The following ARIH2 variants were observed in gnomAD, a reference collection of about 807,000 sequenced individuals.
The protein encoded by ARIH2 is ariadne RBR E3 ubiquitin protein ligase 2, also known as E3 ubiquitin-protein ligase ARIH2.
Under a neutral mutation model 79.8 loss-of-function variants are expected in ARIH2, and 12 were observed. The ratio of observed to expected loss-of-function variants is 0.15; its 90% CI spans 0.10 to 0.24. The LOEUF is 0.24. Among genes scored for constraint, ARIH2 ranks in the 10% least tolerant of loss-of-function variants. ARIH2 has a pLI of 1.00. For missense variants in ARIH2, 301 were observed against 618.3 expected, an observed-to-expected ratio of 0.49 and a Z score of 5.44; for synonymous variants, 224 against 213.9, an observed-to-expected ratio of 1.05 and a Z score of -0.41.
chr3:48,923,008 C>G (rs956991076), intron 2 of ARIH2, among the ~76,000 whole-genome samples, 197 bp downstream of exon 2: 2 of 151,994 alleles, frequency 1.3e-5, no homozygotes. Context: ...GAGATCGAGA[C>G]CATCCCGGCT....
intron 2 of ARIH2, among the ~76,000 whole-genome samples, chr3:48,925,462 A>G (rs1360164560): frequency 2.7e-5 from 4 of 150,330 alleles, no homozygotes; most frequent in Non-Finnish European, 4.4e-5. Context: ...TGGTCTCACT[A>G]GGTTGTTCAG....
chr3:48,960,471 CA>C (rs373788003), intron 3 of ARIH2, among the ~76,000 whole-genome samples: 6 of 146,940 alleles, frequency 4.1e-5, no homozygotes, highest in Admixed American at 6.8e-5. Flanking sequence ...AAAAAAAAAA[CA>C]AAAAAACCTG....
At chr3:48,936,968 C>T (rs1052468275) in intron 3 of ARIH2, among the ~76,000 whole-genome samples, 8 of 151,774 alleles carry the variant, frequency 5.3e-5, no homozygotes, top group Non-Finnish European at 1.2e-4. Flanking sequence ...GTGGAGCTTG[C>T]GGTGAGCCAA....
intron 3 of ARIH2, among the ~76,000 whole-genome samples, chr3:48,951,393 C>T (rs2089938291): frequency 6.6e-6 from 1 of 151,930 alleles, no homozygotes; most frequent in African/African-American, 2.4e-5. Flanking sequence ...ATTTTTGTGT[C>T]TATGTCTGTG....
intron 3 of ARIH2, among the ~76,000 whole-genome samples, chr3:48,947,355 C>A (rs1358300690): frequency 6.6e-6 from 1 of 150,676 alleles, no homozygotes; most frequent in African/African-American, 2.4e-5. Flanking sequence ...GCAGGAGAAT[C>A]GCTTGAACCT....
At chr3:48,973,011 G>A (rs573945891) in intron 8 of ARIH2, among the ~76,000 whole-genome samples, 2 of 152,236 alleles carry the variant, frequency 1.3e-5, no homozygotes, top group African/African-American at 2.4e-5. Flanking sequence ...CACTGCACTC[G>A]GCCTACAGAA....
At chr3:48,973,546 C>T (rs1361167030) in intron 8 of ARIH2, 153 bp from the exon 9 acceptor site, 6 of 535,318 alleles carry the variant, frequency 1.1e-5, no homozygotes, top group Non-Finnish European at 2.0e-5. Context: ...CACTACACTC[C>T]AGCCTGGCGA....
chr3:48,946,809 G>A (rs2089217831), intron 3 of ARIH2, among the ~76,000 whole-genome samples: 1 of 152,114 alleles, frequency 6.6e-6, no homozygotes, highest in Non-Finnish European at 1.5e-5. Context: ...TCTCTGCTCA[G>A]ACCCCATCTT....
intron 3 of ARIH2, chr3:48,945,178 A>G (rs2088939013): frequency 2.3e-6 from 3 of 1,289,788 alleles, no homozygotes; most frequent in Non-Finnish European, 3.0e-6. Flanking sequence ...TCCCTATGGC[A>G]CTGGTAAGTG....
In ARIH2 at chr3:48,918,846, C is replaced by T. The variant is rs752760678; in HGVS notation, c.-314C>T. ...GCAACGGCGCCAAGCACTTCCGGAG[C>T]TGTGGGGACGACTCTTCTGGAGGAA... is the stretch of plus-strand genomic sequence containing the variant. On this transcript the variant is annotated 5_prime_UTR_variant, in exon 1 of 16. Coordinates refer to ENST00000356401, the MANE Select transcript of ARIH2 (RefSeq NM_006321.4). 25 of 1,611,236 alleles carry T rather than the reference C, an allele frequency of 1.6e-5. No homozygotes were observed. Among genetic ancestry groups the T allele is most frequent in the Non-Finnish European group, 2.0e-5 (24 of 1,179,704 alleles).
intron 6 of ARIH2, among the ~76,000 whole-genome samples, chr3:48,967,700 C>T (rs893605830): frequency 1.3e-5 from 2 of 152,274 alleles, no homozygotes; most frequent in African/African-American, 4.8e-5. Context: ...ACATTAGCAT[C>T]GCATTAATTG....
At position 48,967,208 on chromosome 3, in the gene ARIH2, G is replaced by C; in HGVS notation, c.471G>C (p.Gln157His). 2 of 1,614,220 alleles carry C rather than the reference G, an allele frequency of 1.2e-6. No homozygotes were observed. The highest frequency in any genetic ancestry group is 1.7e-6 in the Non-Finnish European group (2 of 1,180,034). ...RKENLLSLACQHQFCRSCWEQ... is the reference protein window; with the variant it reads ...RKENLLSLACHHQFCRSCWEQ... ...AAAACCTACTCTCTCTGGCCTGTCA[G>C]CACCAGTTTTGCCGCAGCTGCTGGG... Residue 157 changes from glutamine (Q) to histidine (H), a missense_variant, in exon 6 of 16, where the codon CAG (glutamine) becomes CAC (histidine). By Grantham distance (24) the Gln-to-His change is conservative. This residue lies in a region of ARIH2 where 223 missense variants were observed against 349.4 expected (regional missense o/e 0.64). Coordinates refer to ENST00000356401, the MANE Select transcript of ARIH2 (RefSeq NM_006321.4).
In ARIH2 at chr3:48,922,805, A is replaced by T. The variant is rs886359048; in HGVS notation, c.-104A>T. 1.3e-5 allele frequency: 2 copies of T among 152,212 alleles called. No homozygotes were observed. Among genetic ancestry groups the T allele is most frequent in the Admixed American group, 6.6e-5 (1 of 15,266 alleles). The allele number at this position is 152,212 out of a possible 1,614,324, so 9.4% of individuals were successfully genotyped here. On this transcript the variant is annotated 5_prime_UTR_variant, in exon 2 of 16. Transcript: ENST00000356401. ...ACATCTGCCTGAGAGATCTCCAAGA[A>T]TTACAGGTATCTTTAATTTAAAGAT...
At chr3:48,924,293 A>G (rs13087930) in intron 2 of ARIH2, among the ~76,000 whole-genome samples, 11,524 of 151,422 alleles carry the variant, frequency 0.076, 579 homozygotes, top group Non-Finnish European at 0.1. Flanking sequence ...AGCCACTGAT[A>G]CAGATGTGAG....
intron 3 of ARIH2, among the ~76,000 whole-genome samples, chr3:48,958,640 C>T (rs1275632084): frequency 6.6e-6 from 1 of 151,860 alleles, no homozygotes; most frequent in African/African-American, 2.4e-5. Context: ...ACCCGGGAGG[C>T]AGAGGTTGCA....
intron 3 of ARIH2, among the ~76,000 whole-genome samples, chr3:48,959,026 A>C (rs1463853444): frequency 6.6e-6 from 1 of 151,814 alleles, no homozygotes; most frequent in Non-Finnish European, 1.5e-5. Context: ...AAATAATAAT[A>C]ATAAAATAGG....
intron 3 of ARIH2, among the ~76,000 whole-genome samples, chr3:48,933,448 C>G (rs928757095): frequency 3.3e-5 from 5 of 151,946 alleles, no homozygotes; most frequent in African/African-American, 1.2e-4. Flanking sequence ...CAGGCGTGAG[C>G]CACCACACTG....
chr3:48,958,273 A>G (rs2090838431), intron 3 of ARIH2, among the ~76,000 whole-genome samples: 1 of 152,228 alleles, frequency 6.6e-6, no homozygotes, highest in Admixed American at 6.5e-5. Flanking sequence ...GTGAGATATG[A>G]TCATGCCACT....
At chr3:48,938,046 C>CAG (rs2087435957) in intron 3 of ARIH2, among the ~76,000 whole-genome samples, 1 of 105,914 alleles carries the variant, frequency 9.4e-6, no homozygotes, top group African/African-American at 3.8e-5. Context: ...GACTCCGTCT[C>CAG]AAAAAAAAAA....
Sources: gnomAD v4.1 joint callset for allele counts (sites outside exome capture counted in the v4.1 genomes callset) on GRCh38, gnomAD v4.1.1 for gene constraint, gnomAD v4.1.1 regional missense constraint, MANE v1.5 for transcripts, NCBI Gene and HGNC (gene_info 2026-07-23, HGNC 2026-07-21) for gene names.